Variants in AMOT observed in about 807,000 individuals in gnomAD.
AMOT encodes the protein angiomotin.
In AMOT, 11 loss-of-function variants were observed where a neutral mutation model predicts 67.0. The ratio of observed to expected loss-of-function variants is 0.16; its 90% CI spans 0.10 to 0.27. The LOEUF is 0.27. AMOT is among the 10% of genes least tolerant of loss of function. The pLI, the probability that AMOT is intolerant of heterozygous loss-of-function variation, is 1.00. For synonymous variants in AMOT, 326 were observed against 321.4 expected (o/e 1.01, Z -0.15); for missense variants, 753 against 852.0 (o/e 0.88, Z 1.45).
At chrX:112,799,962 G>A (rs1034827189) in intron 8 of AMOT, among the ~76,000 whole-genome samples, 2 of 111,979 alleles carry the variant, frequency 1.8e-5, no homozygotes, top group African/African-American at 6.5e-5. Context: ...GCCAGGCACG[G>A]TGGCTCACTC....
At chrX:112,804,898 T>TGCCCA in intron 8 of AMOT, 49 bp downstream of exon 8, 2 of 837,583 alleles carry the variant, frequency 2.4e-6, no homozygotes, top group Non-Finnish European at 3.5e-6. Flanking sequence ...GTCCCCGATT[T>TGCCCA]CCCAGCCCTC....
At chrX:112,837,153 A>C (rs1227891299) in intron 1 of AMOT, among the ~76,000 whole-genome samples, 1 of 112,260 alleles carries the variant, frequency 8.9e-6, no homozygotes, top group Non-Finnish European at 1.9e-5. Flanking sequence ...AGTCTGATTT[A>C]TTTTCAAAAA....
chrX:112,788,011 C>T (rs899395519), intron 10 of AMOT, among the ~76,000 whole-genome samples: 9 of 111,314 alleles, frequency 8.1e-5, no homozygotes, highest in Non-Finnish European at 1.3e-4. Flanking sequence ...ATTTTGAGGG[C>T]GGGCGTGGTG....
intron 3 of AMOT, among the ~76,000 whole-genome samples, chrX:112,824,125 G>T (rs186828088): frequency 9.0e-6 from 1 of 111,381 alleles, no homozygotes; most frequent in East Asian, 2.8e-4. Context: ...TGGTTTACAG[G>T]GTATACAACT....
chrX:112,787,833 C>T (rs1933419666), intron 10 of AMOT, among the ~76,000 whole-genome samples: 1 of 111,576 alleles, frequency 9.0e-6, no homozygotes, highest in Admixed American at 9.6e-5. Flanking sequence ...AAATGTGGCA[C>T]CAGATTTAGG....
chrX:112,786,430 A>G (rs970293700), intron 10 of AMOT, among the ~76,000 whole-genome samples: 1 of 112,235 alleles, frequency 8.9e-6, no homozygotes, highest in African/African-American at 3.2e-5. Context: ...TTCATTGTTT[A>G]TGAGCTGAAA....
chrX:112,832,619 C>G (rs1484923450), intron 1 of AMOT, among the ~76,000 whole-genome samples: 1 of 112,068 alleles, frequency 8.9e-6, no homozygotes, highest in African/African-American at 3.2e-5. Context: ...ATTAGGAAAG[C>G]AAACTCCTGA....
chrX:112,815,595 GTGCTGCTGCTGCTGT>G lies in AMOT; in HGVS notation c.1140_1154del (p.Gln380_Gln384del), dbSNP rs753594313. On this transcript the variant is annotated inframe_deletion, in exon 5 of 14. Coordinates refer to ENST00000371959, the MANE Select transcript of AMOT (RefSeq NM_001113490.2). ...GTTGTTGGTGGTGATGGTGATGATG[GTGCTGCTGCTGCTGT>G]TGCTGCTGCTGCTGACTCAGGCCAG... 4 of 1,208,883 alleles carry G rather than the reference GTGCTGCTGCTGCTGT, an allele frequency of 3.3e-6. No individual in the cohort carries two copies. The highest frequency in any genetic ancestry group is 2.2e-5 in the Admixed American group (1 of 45,718).
chrX:112,805,188 T>C (rs751551197), intron 7 of AMOT, 96 bp from the exon 8 acceptor site: 4 of 1,022,453 alleles, frequency 3.9e-6, no homozygotes, highest in Non-Finnish European at 4.0e-6. Context: ...CTAGATAGCC[T>C]ACTGCTCTAG....
chrX:112,795,238 G>A (rs181877512), intron 8 of AMOT, among the ~76,000 whole-genome samples: 1,142 of 93,818 alleles, frequency 0.012, 9 homozygotes, highest in South Asian at 0.057. Flanking sequence ...CTCTTTCTCT[G>A]TCTCTCTCTC....
intron 12 of AMOT, among the ~76,000 whole-genome samples, chrX:112,779,968 T>C (rs1297237574): frequency 9.0e-6 from 1 of 111,099 alleles, no homozygotes; most frequent in Admixed American, 9.6e-5. Flanking sequence ...TCCTCATCCA[T>C]CACCTGGCAC....
Position 112,779,689 on chromosome X carries a change from G to T in AMOT, c.2474-9C>A. ...TCCACCCAGGAGAATGCCTACAAAT[G>T]AAAGAGGAACAGATGTTAGAAAACA... On this transcript the variant is annotated splice_polypyrimidine_tract_variant and intron_variant, in intron 12 of 13. Transcript: ENST00000371959. 1 of 1,165,724 alleles carries T rather than the reference G, an allele frequency of 8.6e-7. No homozygotes were observed. Among genetic ancestry groups the T allele is most frequent in the South Asian group, 1.9e-5 (1 of 52,147 alleles).
Position 112,805,199 on chromosome X carries a change from T to C in AMOT, c.1631-107A>G, listed in dbSNP as rs756174024. 8 of 946,686 alleles carry C rather than the reference T, an allele frequency of 8.5e-6. No individual in the cohort carries two copies. In the Admixed American group the frequency reaches 1.6e-4, roughly 19 times the overall value. 78.0% of individuals were successfully genotyped at this position (946,686 alleles called of 1,213,427 possible). On this transcript the variant is annotated intron_variant, in intron 7 of 13. Coordinates refer to ENST00000371959, the MANE Select transcript of AMOT (RefSeq NM_001113490.2). ...TTTACTAGATAGCCTACTGCTCTAG[T>C]GCACAGCTGAAGAACCAGTATACCC...
At chrX:112,819,936 T>C (rs759289704) in intron 4 of AMOT, among the ~76,000 whole-genome samples, 1 of 112,453 alleles carries the variant, frequency 8.9e-6, no homozygotes, top group Non-Finnish European at 1.9e-5. Flanking sequence ...CTTGGAAAGG[T>C]ACTCACAAAC....
intron 10 of AMOT, among the ~76,000 whole-genome samples, chrX:112,783,130 A>C (rs778636905): frequency 1.8e-5 from 2 of 109,648 alleles, no homozygotes; most frequent in Non-Finnish European, 3.8e-5. Context: ...CCCTGTCTCT[A>C]CTAAAAATAC....
At chrX:112,815,270 T>C in intron 5 of AMOT, 88 bp downstream of exon 5, 1 of 1,071,866 alleles carries the variant, frequency 9.3e-7, no homozygotes, top group South Asian at 2.3e-5. Flanking sequence ...AATGCTGGGA[T>C]TCACAACTGG....
intron 8 of AMOT, 43 bp downstream of exon 8, chrX:112,804,904 C>T: frequency 5.1e-6 from 5 of 972,656 alleles, no homozygotes; most frequent in Non-Finnish European, 7.2e-6. Flanking sequence ...GATTTCCCAG[C>T]CCTCCCACCC....
chrX:112,804,267 C>G (rs1331574820), intron 8 of AMOT, among the ~76,000 whole-genome samples: 1 of 111,346 alleles, frequency 9.0e-6, no homozygotes, highest in East Asian at 2.8e-4. Flanking sequence ...CACTGAGAAC[C>G]ACAGCACAGC....
At chrX:112,832,107 A>G (rs1391550269) in intron 2 of AMOT, among the ~76,000 whole-genome samples, 187 bp downstream of exon 2, 1 of 111,409 alleles carries the variant, frequency 9.0e-6, no homozygotes, top group Non-Finnish European at 1.9e-5. Context: ...CTTAGAGGGC[A>G]TGGGCGGGGT....
Sources: allele counts gnomAD v4.1 joint callset (sites outside exome capture counted in the v4.1 genomes callset), GRCh38; gene constraint gnomAD v4.1.1; transcripts MANE v1.5; gene names NCBI Gene and HGNC (gene_info 2026-07-23, HGNC 2026-07-21).